Variants in LUZP2 observed in about 807,000 individuals in gnomAD.
LUZP2 encodes leucine zipper protein 2.
In LUZP2, 52 loss-of-function variants were observed where a neutral mutation model predicts 51.6. The ratio of observed to expected loss-of-function variants is 1.01; its 90% CI spans 0.81 to 1.27. The LOEUF (loss-of-function observed/expected upper bound fraction) is 1.27, where lower values mean the gene tolerates loss of function less well. Ranked by LOEUF, LUZP2 falls within the 50% of genes most tolerant of loss-of-function variation. The probability of loss-of-function intolerance (pLI) is 0.00; values close to 1 mark genes in which losing one functional copy is unlikely to be tolerated. For synonymous variants in LUZP2, 154 were observed against 137.3 expected (o/e 1.12, Z -0.85); for missense variants, 436 against 395.4 (o/e 1.10, Z -0.87).
At chr11:24,599,363 G>A (rs1483899750) in intron 1 of LUZP2, among the ~76,000 whole-genome samples, 4 of 151,876 alleles carry the variant, frequency 2.6e-5, no homozygotes, top group Non-Finnish European at 5.9e-5. Flanking sequence ...TCACTGCCCC[G>A]AGATCATCTG....
chr11:24,525,481 T>C (rs1590136607), intron 1 of LUZP2, among the ~76,000 whole-genome samples: 1 of 151,498 alleles, frequency 6.6e-6, no homozygotes, highest in East Asian at 1.9e-4. Context: ...CTTTCATGTC[T>C]GGGAGCAAAG....
At chr11:24,652,483 G>A (rs1458903281) in intron 1 of LUZP2, among the ~76,000 whole-genome samples, 1 of 152,072 alleles carries the variant, frequency 6.6e-6, no homozygotes. Context: ...TATTTCATTT[G>A]CAGGAAAACA....
At chr11:24,845,743 C>A (rs941036069) in intron 5 of LUZP2, among the ~76,000 whole-genome samples, 7 of 146,706 alleles carry the variant, frequency 4.8e-5, no homozygotes, top group Admixed American at 3.4e-4. Context: ...CCTGCACAAG[C>A]TCTCTCTCTC....
chr11:24,833,712 G>GCGCACACACACACA (rs112834221), intron 5 of LUZP2, among the ~76,000 whole-genome samples: 40 of 147,234 alleles, frequency 2.7e-4, no homozygotes, highest in African/African-American at 9.7e-4. Context: ...CCGCGCGCGC[G>GCGCACACACACACA]CACACACACA....
chr11:24,954,893 A>G (rs762967363), intron 7 of LUZP2, among the ~76,000 whole-genome samples: 2 of 152,084 alleles, frequency 1.3e-5, no homozygotes, highest in Non-Finnish European at 2.9e-5. Context: ...CATTTCAACT[A>G]GGATCTGAGG....
At chr11:25,014,263 C>T (rs1857074181) in intron 9 of LUZP2, among the ~76,000 whole-genome samples, 2 of 152,058 alleles carry the variant, frequency 1.3e-5, no homozygotes, top group African/African-American at 4.8e-5. Flanking sequence ...GGGTATATAC[C>T]CAGTAATGGG....
intron 1 of LUZP2, among the ~76,000 whole-genome samples, chr11:24,718,411 C>T (rs1367514532): frequency 6.6e-6 from 1 of 152,142 alleles, no homozygotes; most frequent in Non-Finnish European, 1.5e-5. Flanking sequence ...ACAAGTTTAG[C>T]TAATCATTAT....
chr11:24,821,924 T>G (rs1850372902), intron 5 of LUZP2, among the ~76,000 whole-genome samples: 1 of 150,402 alleles, frequency 6.6e-6, no homozygotes, highest in African/African-American at 2.4e-5. Context: ...AATAGAAAAA[T>G]AGAATATGAA....
At chr11:24,670,426 G>A (rs923512704) in intron 1 of LUZP2, among the ~76,000 whole-genome samples, 3 of 151,980 alleles carry the variant, frequency 2.0e-5, no homozygotes, top group Non-Finnish European at 2.9e-5. Flanking sequence ...TTAAAGATTA[G>A]TTATATAAGT....
At chr11:24,559,856 G>A (rs969333849) in intron 1 of LUZP2, among the ~76,000 whole-genome samples, 2 of 152,128 alleles carry the variant, frequency 1.3e-5, no homozygotes, top group African/African-American at 4.8e-5. Flanking sequence ...TAATGCTTGG[G>A]AAACAGTGAA....
intron 9 of LUZP2, among the ~76,000 whole-genome samples, chr11:24,997,403 T>A (rs2133936151): frequency 6.6e-6 from 1 of 152,288 alleles, no homozygotes; most frequent in East Asian, 1.9e-4. Flanking sequence ...GTTTTTTGGC[T>A]GCATAAATGT....
chr11:24,722,052 C>G (rs538986569), intron 1 of LUZP2, among the ~76,000 whole-genome samples: 1 of 151,934 alleles, frequency 6.6e-6, no homozygotes, highest in Non-Finnish European at 1.5e-5. Flanking sequence ...TATATGTTCC[C>G]GTGCAACACA....
At chr11:24,879,076 C>T (rs1394014484) in intron 5 of LUZP2, among the ~76,000 whole-genome samples, 1 of 152,010 alleles carries the variant, frequency 6.6e-6, no homozygotes, top group African/African-American at 2.4e-5. Context: ...ACACCATTAG[C>T]TGGGACTACA....
At chr11:24,515,124 C>T (rs1009158167) in intron 1 of LUZP2, among the ~76,000 whole-genome samples, 1 of 152,178 alleles carries the variant, frequency 6.6e-6, no homozygotes, top group Non-Finnish European at 1.5e-5. Flanking sequence ...TTCATAATAA[C>T]TTCTTGGAAA....
chr11:24,684,889 A>C (rs1409857819), intron 1 of LUZP2, among the ~76,000 whole-genome samples: 1 of 152,214 alleles, frequency 6.6e-6, no homozygotes, highest in Non-Finnish European at 1.5e-5. Context: ...AGTTATTCTT[A>C]AAAGTTACCT....
intron 7 of LUZP2, among the ~76,000 whole-genome samples, chr11:24,970,257 T>C (rs1252186609): frequency 6.6e-6 from 1 of 152,140 alleles, no homozygotes; most frequent in African/African-American, 2.4e-5. Flanking sequence ...TTTTCTGCTG[T>C]TGCATCCCCT....
intron 5 of LUZP2, among the ~76,000 whole-genome samples, chr11:24,856,896 T>C (rs765629629): frequency 6.6e-6 from 1 of 151,956 alleles, no homozygotes; most frequent in Non-Finnish European, 1.5e-5. Flanking sequence ...ATAAAGTATA[T>C]ACATGGACAC....
intron 1 of LUZP2, among the ~76,000 whole-genome samples, chr11:24,574,259 T>TCTTTCTTTCTTG (rs1852555493): frequency 1.5e-5 from 1 of 67,114 alleles, no homozygotes; most frequent in African/African-American, 5.0e-5. Context: ...TTTCTTTCTT[T>TCTTTCTTTCTTG]CTTGCTTTCT....
rs773134041 is a variant in LUZP2, at chr11:24,595,382, T to C, written c.62+98077T>C. On this transcript the variant is annotated intron_variant, in intron 1 of 11. Transcript: ENST00000336930. ...ACAGGCACTGGGGAACTAATTGGTA[T>C]TGGGACATGAAGCTTTTCTAGGTTA... Among the ~76,000 whole-genome samples the C allele has an allele frequency of 1.1e-3, 161 of 152,188 alleles. 1 individual carries two copies. Among genetic ancestry groups the C allele is most frequent in the Non-Finnish European group, 1.9e-3 (129 of 67,988 alleles).
Sources: gnomAD v4.1 joint callset for allele counts (sites outside exome capture counted in the v4.1 genomes callset) on GRCh38, gnomAD v4.1.1 for gene constraint, MANE v1.5 for transcripts, NCBI Gene and HGNC (gene_info 2026-07-23, HGNC 2026-07-21) for gene names.